GALNTL6: variants seen among roughly 807,000 people sequenced by gnomAD.
The protein encoded by GALNTL6 is polypeptide N-acetylgalactosaminyltransferase like 6.
In GALNTL6, 46 loss-of-function variants were observed where a neutral mutation model predicts 73.7. That is an observed-to-expected ratio of 0.62 (90% CI 0.49 to 0.80). The LOEUF is 0.80. Among genes scored for constraint, GALNTL6 ranks in the 30% least tolerant of loss-of-function variants. The pLI, the probability that GALNTL6 is intolerant of heterozygous loss-of-function variation, is 0.00. For synonymous variants in GALNTL6, 259 were observed against 263.7 expected, an observed-to-expected ratio of 0.98 and a Z score of 0.17; for missense variants, 604 against 755.0, an observed-to-expected ratio of 0.80 and a Z score of 2.34.
chr4:172,777,012 T>A (rs1408641205), intron 5 of GALNTL6, among the ~76,000 whole-genome samples: 1 of 152,216 alleles, frequency 6.6e-6, no homozygotes, highest in Non-Finnish European at 1.5e-5. Context: ...CCCAAGCTAA[T>A]TAATCTATTC....
chr4:172,156,568 C>T (rs5021104), intron 2 of GALNTL6, among the ~76,000 whole-genome samples: 50,943 of 114,910 alleles, frequency 0.44, 11,177 homozygotes, highest in African/African-American at 0.55. Context: ...TATATATATA[C>T]ATACTATATA....
chr4:172,605,818 G>A (rs765505622), intron 5 of GALNTL6, among the ~76,000 whole-genome samples: 18 of 151,958 alleles, frequency 1.2e-4, no homozygotes, highest in Non-Finnish European at 1.3e-4. Context: ...TTTAATACGT[G>A]AAGCAAATGA....
chr4:172,318,960 G>C (rs145878911), intron 4 of GALNTL6, among the ~76,000 whole-genome samples: 1 of 151,984 alleles, frequency 6.6e-6, no homozygotes, highest in Non-Finnish European at 1.5e-5. Flanking sequence ...TCATAATTTT[G>C]ACCTTTAAAG....
chr4:171,848,555 T>C (rs373680059), intron 2 of GALNTL6, among the ~76,000 whole-genome samples: 2 of 152,366 alleles, frequency 1.3e-5, no homozygotes, highest in South Asian at 4.1e-4. Context: ...TGTTGTTTGG[T>C]GCAGGTACCT....
intron 5 of GALNTL6, among the ~76,000 whole-genome samples, chr4:172,533,935 T>C (rs928192079): frequency 5.9e-5 from 9 of 152,224 alleles, no homozygotes; most frequent in Non-Finnish European, 1.2e-4. Flanking sequence ...GCAGTGATCT[T>C]GGTCTTAATT....
At position 172,640,445 on chromosome 4, in the gene GALNTL6, G is replaced by C. The variant is rs181233372; in HGVS notation, c.554-168916G>C. On this transcript the variant is annotated intron_variant, in intron 5 of 12. Coordinates refer to ENST00000506823, the MANE Select transcript of GALNTL6 (RefSeq NM_001034845.3). ...ATTTATATGGTATATTAGTCGGCTT[G>C]GGCTGCCATAACAAAATACCATAGA... Among the ~76,000 whole-genome samples the C allele has an allele frequency of 1.1e-4, 17 of 152,114 alleles. No homozygotes were observed. In the East Asian group the frequency reaches 3.3e-3, roughly 29 times the overall value.
At chr4:172,430,991 G>A (rs1484582485) in intron 5 of GALNTL6, among the ~76,000 whole-genome samples, 1 of 152,086 alleles carries the variant, frequency 6.6e-6, no homozygotes, top group African/African-American at 2.4e-5. Flanking sequence ...AAGCATACAG[G>A]CATCATCAGA....
At chr4:172,318,094 A>G (rs1282539255) in intron 4 of GALNTL6, among the ~76,000 whole-genome samples, 1 of 152,252 alleles carries the variant, frequency 6.6e-6, no homozygotes, top group Non-Finnish European at 1.5e-5. Context: ...GGTAGAAGCC[A>G]TCTCTCAAAA....
At chr4:172,471,877 G>C (rs938417828) in intron 5 of GALNTL6, among the ~76,000 whole-genome samples, 1 of 152,156 alleles carries the variant, frequency 6.6e-6, no homozygotes, top group Non-Finnish European at 1.5e-5. Flanking sequence ...CTAAATTTCA[G>C]TTGGCTCACT....
Position 172,995,840 on chromosome 4 carries a change from C to T in GALNTL6, c.1372-13338C>T, listed in dbSNP as rs757351289. ...AATATTTGAATAACTCATTTCAAAA[C>T]ATAACATTGTCACCTGAGTTTTCAA... On this transcript the variant is annotated intron_variant, in intron 10 of 12. Transcript: ENST00000506823. Among the ~76,000 whole-genome samples the T allele has an allele frequency of 3.7e-4, 56 of 152,330 alleles. 1 individual carries two copies. Among genetic ancestry groups the T allele is most frequent in the Non-Finnish European group, 5.6e-4 (38 of 68,032 alleles).
chr4:172,265,734 C>A (rs1271220311), intron 3 of GALNTL6, among the ~76,000 whole-genome samples: 1 of 151,902 alleles, frequency 6.6e-6, no homozygotes, highest in African/African-American at 2.4e-5. Flanking sequence ...CATACAAAAG[C>A]AGATATTTTA....
chr4:172,455,767 G>A (rs1034441595), intron 5 of GALNTL6, among the ~76,000 whole-genome samples: 12 of 152,164 alleles, frequency 7.9e-5, no homozygotes, highest in African/African-American at 1.4e-4. Flanking sequence ...AGCTGTGCAC[G>A]CAGCTTCAGC....
At chr4:172,793,425 G>A (rs1740103007) in intron 5 of GALNTL6, among the ~76,000 whole-genome samples, 2 of 152,134 alleles carry the variant, frequency 1.3e-5, no homozygotes, top group Non-Finnish European at 2.9e-5. Flanking sequence ...TCTGTCCGAA[G>A]ACAGTGGAAA....
intron 5 of GALNTL6, among the ~76,000 whole-genome samples, chr4:172,795,595 A>G (rs915149621): frequency 2.6e-5 from 4 of 152,166 alleles, no homozygotes; most frequent in African/African-American, 9.7e-5. Context: ...AGGGTACACA[A>G]GATGTTTTTT....
chr4:172,275,556 G>A (rs1395024598), intron 3 of GALNTL6, among the ~76,000 whole-genome samples: 1 of 152,156 alleles, frequency 6.6e-6, no homozygotes, highest in East Asian at 1.9e-4. Flanking sequence ...AAGCATTAAA[G>A]CTGCCATCTA....
chr4:171,978,252 T>A (rs964160243), intron 2 of GALNTL6, among the ~76,000 whole-genome samples: 6 of 152,070 alleles, frequency 3.9e-5, no homozygotes, highest in African/African-American at 1.5e-4. Flanking sequence ...TTGTTATATA[T>A]ACTAACTATT....
rs569716878 is a variant in GALNTL6 at position 172,225,757 on chromosome 4, A to AAAAT, written c.139-3880_139-3877dup. Reference sequence around the variant, plus strand: ...GGCAACAGGGTGAGACCCAGTTTCAAAAATAAATAAATAAATAAATAAGTA... The same window carrying AAAAT: ...GGCAACAGGGTGAGACCCAGTTTCAAAAATAAATAAATAAATAAATAAATAAGTA... On this transcript the variant is annotated intron_variant, in intron 2 of 12. Coordinates refer to ENST00000506823, the MANE Select transcript of GALNTL6 (RefSeq NM_001034845.3). Among the ~76,000 whole-genome samples, 721 of 151,986 alleles carry AAAAT rather than the reference A, an allele frequency of 4.7e-3. 6 individuals carry two copies. Among genetic ancestry groups the AAAAT allele is most frequent in the African/African-American group, 0.012 (500 of 41,364 alleles).
intron 5 of GALNTL6, among the ~76,000 whole-genome samples, chr4:172,656,541 A>G (rs1731023823): frequency 6.6e-6 from 1 of 152,202 alleles, no homozygotes; most frequent in South Asian, 2.1e-4. Flanking sequence ...TTCTAGACAC[A>G]GCCTTCCAAT....
At chr4:171,895,580 T>C (rs180994025) in intron 2 of GALNTL6, among the ~76,000 whole-genome samples, 1 of 152,170 alleles carries the variant, frequency 6.6e-6, no homozygotes, top group Admixed American at 6.5e-5. Flanking sequence ...TAACTGAAAA[T>C]TACTCATGGA....
Sources: gnomAD v4.1 joint callset for allele counts (sites outside exome capture counted in the v4.1 genomes callset) on GRCh38, gnomAD v4.1.1 for gene constraint, MANE v1.5 for transcripts, NCBI Gene and HGNC (gene_info 2026-07-23, HGNC 2026-07-21) for gene names.